Variants in RASSF8 observed in about 807,000 individuals in gnomAD.
The protein encoded by RASSF8 is ras association domain-containing protein 8.
Under a neutral mutation model 48.5 loss-of-function variants are expected in RASSF8, and 22 were observed. The ratio of observed to expected loss-of-function variants is 0.45; its 90% CI spans 0.32 to 0.65. The LOEUF is 0.65. Among genes scored for constraint, RASSF8 ranks in the 30% least tolerant of loss-of-function variants. RASSF8 has a pLI of 0.03. For missense variants in RASSF8, 418 were observed against 489.2 expected, an observed-to-expected ratio of 0.85 and a Z score of 1.37; for synonymous variants, 127 against 171.5, an observed-to-expected ratio of 0.74 and a Z score of 2.03.
At chr12:25,968,394 G>A (rs1480965020) in intron 1 of RASSF8, among the ~76,000 whole-genome samples, 1 of 152,114 alleles carries the variant, frequency 6.6e-6, no homozygotes, top group African/African-American at 2.4e-5. Context: ...CCAGGCTGGA[G>A]TGCAGTGGCA....
In RASSF8 at chr12:26,067,605, T is replaced by C. The variant is rs1943904515; in HGVS notation, c.1030T>C (p.Leu344=). The C allele has an allele frequency of 6.2e-7, 1 of 1,613,616 alleles. No individual in the cohort carries two copies. The highest frequency in any genetic ancestry group is 8.5e-7 in the Non-Finnish European group (1 of 1,179,840). ...EQELEQLTKE[L]RQVNLQQFIQ... is the part of the protein sequence containing the mutation. ...GGAACTGGAGCAGTTGACTAAGGAG[T>C]TGCGGCAAGTCAATCTCCAGCAGTT... Residue 344 remains leucine, a synonymous_variant, in exon 5 of 6, where the codon TTG becomes CTG. Transcript: ENST00000689635.
At position 26,065,296 on chromosome 12, in the gene RASSF8, A is replaced by C; in HGVS notation, c.902A>C (p.Glu301Ala). The C allele has an allele frequency of 6.2e-7, 1 of 1,614,088 alleles. No homozygotes were observed. Among genetic ancestry groups the C allele is most frequent in the Non-Finnish European group, 8.5e-7 (1 of 1,179,976 alleles). Residue 301 changes from glutamate to alanine, a missense_variant, in exon 4 of 6, where the codon GAG becomes GCG. Physicochemically the swap from Glu to Ala is moderately radical, Grantham distance 107. Transcript: ENST00000689635. ...GGAAAGATCGGTAAGGTCAAAGGGGAGATTGACATTCAAGGCCAGCAGAGT... is the reference window on the plus strand; with the variant it reads ...GGAAAGATCGGTAAGGTCAAAGGGGCGATTGACATTCAAGGCCAGCAGAGT... Reference protein sequence around the residue: ...VKGKIGKVKGEIDIQGQQSLR... With the variant: ...VKGKIGKVKGAIDIQGQQSLR...
At chr12:26,019,863 A>G (rs1942746582) in intron 2 of RASSF8, among the ~76,000 whole-genome samples, 1 of 151,638 alleles carries the variant, frequency 6.6e-6, no homozygotes, top group Non-Finnish European at 1.5e-5. Context: ...ATAAGGGGGA[A>G]TTAATTTTTC....
chr12:25,961,535 C>T (rs1451360881), intron 1 of RASSF8, among the ~76,000 whole-genome samples: 2 of 152,014 alleles, frequency 1.3e-5, no homozygotes, highest in African/African-American at 4.8e-5. Context: ...GAATGTTTAC[C>T]CCACTGCCAG....
intron 2 of RASSF8, among the ~76,000 whole-genome samples, chr12:26,013,100 T>C (rs1263533970): frequency 6.6e-6 from 1 of 152,184 alleles, no homozygotes; most frequent in Non-Finnish European, 1.5e-5. Flanking sequence ...CAGGTTTTCA[T>C]GTAATCAGCA....
At chr12:26,076,357 C>T (rs1226088150), downstream of RASSF8, among the ~76,000 whole-genome samples, 2 of 151,890 alleles carry the variant, frequency 1.3e-5, no homozygotes, top group African/African-American at 4.8e-5. Context: ...TGTTAGTTTG[C>T]TGCACCCATT....
intron 2 of RASSF8, among the ~76,000 whole-genome samples, chr12:26,024,181 A>T (rs971742867): frequency 6.6e-6 from 1 of 152,146 alleles, no homozygotes; most frequent in African/African-American, 2.4e-5. Context: ...TTAAATTTTG[A>T]ATTGAGATGA....
intron 2 of RASSF8, among the ~76,000 whole-genome samples, chr12:26,010,653 C>T (rs908817666): frequency 9.9e-5 from 15 of 152,148 alleles, no homozygotes; most frequent in African/African-American, 3.4e-4. Flanking sequence ...TTCCTTTCCC[C>T]CTTTATATTT....
chr12:26,079,299 A>C, exon 6 of RASSF8: 2 of 372,446 alleles, frequency 5.4e-6, no homozygotes, highest in South Asian at 4.6e-5. Flanking sequence ...AAAATGGTCA[A>C]AGGGGCTGGG....
At chr12:26,065,534 T>TA (rs1485924687) in intron 4 of RASSF8, 147 bp downstream of exon 4, 14 of 1,031,410 alleles carry the variant, frequency 1.4e-5, no homozygotes, top group Non-Finnish European at 1.2e-5. Flanking sequence ...TCTTGTGACT[T>TA]ACGACAGCTT....
chr12:26,012,963 A>G (rs560693039), intron 2 of RASSF8, among the ~76,000 whole-genome samples: 89 of 152,280 alleles, frequency 5.8e-4, no homozygotes, highest in African/African-American at 2.1e-3. Context: ...GGCATGAGCC[A>G]CTGCACCTGG....
intron 1 of RASSF8, among the ~76,000 whole-genome samples, chr12:25,977,518 T>C (rs545223211): frequency 6.6e-6 from 1 of 152,272 alleles, no homozygotes; most frequent in Admixed American, 6.5e-5. Context: ...ATCATTGCAG[T>C]TCTTGTTCTT....
At chr12:26,066,649 A>G (rs1232883604) in intron 4 of RASSF8, among the ~76,000 whole-genome samples, 2 of 152,200 alleles carry the variant, frequency 1.3e-5, no homozygotes, top group African/African-American at 4.8e-5. Flanking sequence ...AGTCATTACT[A>G]GCAAATCCCT....
rs1943968866 is a variant in RASSF8 at position 26,070,092 on chromosome 12, T to C, written c.*1274T>C. 8.2e-6 allele frequency: 8 copies of C among 980,604 alleles called. No individual in the cohort carries two copies. In the South Asian group the frequency reaches 3.8e-4, roughly 46 times the overall value. The allele number at this position is 980,604 out of a possible 1,614,324, so 60.7% of individuals were successfully genotyped here. A position where few individuals can be genotyped will look rare whatever the true frequency, so the allele number is the denominator to read the frequency against. On this transcript the variant is annotated 3_prime_UTR_variant, in exon 6 of 6. Coordinates refer to ENST00000689635, the MANE Select transcript of RASSF8 (RefSeq NM_001394098.1). ...TCAGTCAGACACCACTTAGCCATTT[T>C]TACATTCCCTCTGGTTAGATTTGGT... is the stretch of plus-strand genomic sequence containing the variant.
chr12:26,071,575 G>A lies in RASSF8; in HGVS notation c.*2757G>A, dbSNP rs954687079. 6 of 984,400 alleles carry A rather than the reference G, an allele frequency of 6.1e-6. No individual in the cohort carries two copies. The African/African-American group carries it at 1.0e-4, about 17-fold the overall frequency. 61.0% of individuals were successfully genotyped at this position (984,400 alleles called of 1,614,324 possible). A position where few individuals can be genotyped will look rare whatever the true frequency, so the allele number is the denominator to read the frequency against. On this transcript the variant is annotated 3_prime_UTR_variant, in exon 6 of 6. Coordinates refer to ENST00000689635, the MANE Select transcript of RASSF8 (RefSeq NM_001394098.1). Reference sequence around the variant, plus strand: ...AATGGCCCATAGTGTGTTGCCTGTGGACATAGTGTCCATAGTCCCTTTCTT... The same window carrying A: ...AATGGCCCATAGTGTGTTGCCTGTGAACATAGTGTCCATAGTCCCTTTCTT...
intron 2 of RASSF8, among the ~76,000 whole-genome samples, chr12:26,007,616 T>C (rs1301050315): frequency 2.0e-5 from 3 of 152,256 alleles, no homozygotes; most frequent in East Asian, 3.9e-4. Flanking sequence ...AGAGGCCTAC[T>C]CTCACAGGAA....
chr12:26,015,719 T>C (rs980661422), intron 2 of RASSF8, among the ~76,000 whole-genome samples: 1 of 152,224 alleles, frequency 6.6e-6, no homozygotes, highest in Admixed American at 6.5e-5. Flanking sequence ...AGCGGACCTA[T>C]TGTGTTGTAA....
chr12:26,011,295 T>C (rs1332004485), intron 2 of RASSF8, among the ~76,000 whole-genome samples: 2 of 152,160 alleles, frequency 1.3e-5, no homozygotes, highest in African/African-American at 2.4e-5. Flanking sequence ...TAGTAGGTAC[T>C]GACTGTAGCC....
chr12:26,057,772 C>A (rs140972991), intron 3 of RASSF8, among the ~76,000 whole-genome samples: 1 of 152,202 alleles, frequency 6.6e-6, no homozygotes, highest in South Asian at 2.1e-4. Flanking sequence ...TATTTCTCCA[C>A]GTCCTCTCCA....
Sources: gnomAD v4.1 joint callset for allele counts (sites outside exome capture counted in the v4.1 genomes callset) on GRCh38, gnomAD v4.1.1 for gene constraint, MANE v1.5 for transcripts, NCBI Gene and HGNC (gene_info 2026-07-23, HGNC 2026-07-21) for gene names.